SART3: variants seen among roughly 807,000 people sequenced by gnomAD.
SART3 encodes HIV-1 Tat-interacting protein of 110kDa.
A neutral mutation model predicts 122.3 loss-of-function variants in SART3; 44 were observed. The observed-to-expected ratio is 0.36, with a 90% CI of 0.28 to 0.46. The LOEUF (loss-of-function observed/expected upper bound fraction) is 0.46, where lower values mean the gene tolerates loss of function less well. Ranked by LOEUF, SART3 falls within the 20% of genes least tolerant of loss-of-function variation. The pLI is 1.00. For missense variants in SART3, 1,101 were observed against 1,229.0 expected (o/e 0.90, Z 1.56); for synonymous variants, 442 against 454.0 (o/e 0.97, Z 0.34).
rs1872388126 is a variant in SART3, at chr12:108,526,461, A to G, written c.2008T>C (p.Cys670Arg). Reference sequence around the variant, plus strand: ...GGGGGCTCCACATCTACGGCAGCACATTTCCCAGCGGGCCCTGCTGCTACT... The same window carrying G: ...GGGGGCTCCACATCTACGGCAGCACGTTTCCCAGCGGGCCCTGCTGCTACT... ...VEVAAGPAGKCAAVDVEPPSK... is the reference protein window; with the variant it reads ...VEVAAGPAGKRAAVDVEPPSK... Residue 670 changes from cysteine (C) to arginine (R), a missense_variant, in exon 16 of 19, where the codon TGT becomes CGT. By Grantham distance (180) the Cys-to-Arg change is radical. Coordinates refer to ENST00000546815, the MANE Select transcript of SART3 (RefSeq NM_014706.4). 1 of 1,614,088 alleles carries G rather than the reference A, an allele frequency of 6.2e-7. No individual in the cohort carries two copies. The highest frequency in any genetic ancestry group is 8.5e-7 in the Non-Finnish European group (1 of 1,180,010).
intron 6 of SART3, among the ~76,000 whole-genome samples, chr12:108,542,342 C>T (rs939832859): frequency 5.9e-5 from 9 of 152,266 alleles, no homozygotes; most frequent in African/African-American, 4.8e-5. Context: ...GCAGTGCAAA[C>T]TGATAACCTG....
intron 1 of SART3, among the ~76,000 whole-genome samples, chr12:108,550,806 G>A (rs1358231332): frequency 6.6e-6 from 1 of 152,068 alleles, no homozygotes; most frequent in Non-Finnish European, 1.5e-5. Flanking sequence ...AGGTTGCAGT[G>A]AGCAGAGATC....
At chr12:108,542,894 TA>T in intron 6 of SART3, 133 bp downstream of exon 6, 2 of 1,225,982 alleles carry the variant, frequency 1.6e-6, no homozygotes, top group Non-Finnish European at 2.4e-6. Context: ...TATTAGTATG[TA>T]AACTGTACGT....
chr12:108,556,574 C>G (rs79060449), intron 1 of SART3, among the ~76,000 whole-genome samples: 1 of 152,216 alleles, frequency 6.6e-6, no homozygotes, highest in Non-Finnish European at 1.5e-5. Context: ...GATGATCACA[C>G]GATAGGCTGA....
rs776663380 is a variant in SART3 at position 108,561,135 on chromosome 12, G to A, written c.20C>T (p.Thr7Ile). The A allele has an allele frequency of 6.2e-7, 1 of 1,613,366 alleles. No homozygotes were observed. Among genetic ancestry groups the A allele is most frequent in the Non-Finnish European group, 8.5e-7 (1 of 1,179,328 alleles). Residue 7 changes from threonine to isoleucine, a missense_variant, in exon 1 of 19, where the codon ACC (threonine) becomes ATC (isoleucine). Physicochemically the swap from Thr to Ile is moderately conservative, Grantham distance 89. This residue lies in a region of SART3 where 216 missense variants were observed against 148.9 expected (regional missense o/e 1.45). Coordinates refer to ENST00000546815, the MANE Select transcript of SART3 (RefSeq NM_014706.4). ...CTCAGCCTCGGGTTCTGAAGCCGAG[G>A]TTTCGGCCGCAGTCGCCATCTTGCG... MATAAETSASEPEAESK... is the reference protein window; with the variant it reads MATAAEISASEPEAESK...
chr12:108,561,127 A>C lies in SART3; in HGVS notation c.28T>G (p.Ser10Ala), dbSNP rs774473009. Residue 10 changes from serine to alanine, a missense_variant, in exon 1 of 19, where the codon TCA (serine) becomes GCA (alanine). Physicochemically the swap from Ser to Ala is moderately conservative, Grantham distance 99. Coordinates refer to ENST00000546815, the MANE Select transcript of SART3 (RefSeq NM_014706.4). MATAAETSA[S>A]EPEAESKAGP... is the part of the protein sequence containing the mutation. ...GCCTTGGACTCAGCCTCGGGTTCTG[A>C]AGCCGAGGTTTCGGCCGCAGTCGCC... 1 of 1,613,390 alleles carries C rather than the reference A, an allele frequency of 6.2e-7. No homozygotes were observed. The highest frequency in any genetic ancestry group is 8.5e-7 in the Non-Finnish European group (1 of 1,179,386).
intron 11 of SART3, among the ~76,000 whole-genome samples, chr12:108,536,155 C>T (rs571498081): frequency 1.3e-5 from 2 of 152,354 alleles, no homozygotes; most frequent in African/African-American, 4.8e-5. Flanking sequence ...GGAATTTTAT[C>T]TGTCTTATTC....
Position 108,522,242 on chromosome 12 carries a change from GT to G in SART3, c.*1214del, listed in dbSNP as rs1872159994. On this transcript the variant is annotated 3_prime_UTR_variant, in exon 19 of 19. Coordinates refer to ENST00000546815, the MANE Select transcript of SART3 (RefSeq NM_014706.4). ...TAGGCACACAGGAGTTTATTTTACTGTTCTGTCTACTTTTTAATCGGTTATA... is the reference window on the plus strand; with the variant it reads ...TAGGCACACAGGAGTTTATTTTACTGTCTGTCTACTTTTTAATCGGTTATA... Among the ~76,000 whole-genome samples the G allele has an allele frequency of 6.6e-6, 1 of 152,136 alleles. No homozygotes were observed. The highest frequency in any genetic ancestry group is 2.4e-5 in the African/African-American group (1 of 41,424).
Position 108,561,166 on chromosome 12 carries a change from A to T in SART3, c.-12T>A. Reference sequence around the variant, plus strand: ...GCCGCAGTCGCCATCTTGCGCTTCTAATGACTCTCGGGTCTTCCCGCGGCC... The same window carrying T: ...GCCGCAGTCGCCATCTTGCGCTTCTTATGACTCTCGGGTCTTCCCGCGGCC... On this transcript the variant is annotated 5_prime_UTR_variant, in exon 1 of 19. Coordinates refer to ENST00000546815, the MANE Select transcript of SART3 (RefSeq NM_014706.4). The T allele has an allele frequency of 1.2e-6, 2 of 1,612,128 alleles. No individual in the cohort carries two copies. Among genetic ancestry groups the T allele is most frequent in the Non-Finnish European group, 8.5e-7 (1 of 1,178,376 alleles).
At chr12:108,531,338 A>G in intron 13 of SART3, 58 bp from the exon 14 acceptor site, 1 of 1,418,660 alleles carries the variant, frequency 7.0e-7, no homozygotes, top group East Asian at 2.3e-5. Context: ...ATACAATCAC[A>G]TAAATTTTTC....
In SART3 at chr12:108,537,066, A is replaced by C. The variant is rs549988330; in HGVS notation, c.1310-281T>G. 3.9e-5 allele frequency: 19 copies of C among 483,024 alleles called. 1 individual carries two copies. Among genetic ancestry groups the C allele is most frequent in the African/African-American group, 3.3e-4 (17 of 51,354 alleles). The allele number at this position is 483,024 out of a possible 1,614,324, so 29.9% of individuals were successfully genotyped here. ...ACACAGGCAAACAAGAGAATGGCTA[A>C]AGGCTACCTGTATGAGGTGACAGCT... is the stretch of plus-strand genomic sequence containing the variant. On this transcript the variant is annotated intron_variant, in intron 9 of 18. Transcript: ENST00000546815.
intron 7 of SART3, among the ~76,000 whole-genome samples, chr12:108,538,654 T>C (rs1416529663): frequency 6.6e-6 from 1 of 152,214 alleles, no homozygotes; most frequent in Non-Finnish European, 1.5e-5. Context: ...TGTCTACTTT[T>C]ATATGTTTAC....
At chr12:108,524,543 G>A (rs746901002) in intron 17 of SART3, 37 bp from the exon 18 acceptor site, 68 of 1,597,898 alleles carry the variant, frequency 4.3e-5, no homozygotes, top group African/African-American at 1.9e-4. Flanking sequence ...GTCAGATCCC[G>A]CAGACTAGGG....
chr12:108,537,336 A>G, intron 9 of SART3, 152 bp downstream of exon 9: 1 of 668,932 alleles, frequency 1.5e-6, no homozygotes, highest in Admixed American at 2.1e-5. Context: ...TGTTAAAGAC[A>G]GAAATTGCTA....
rs768390720 is a variant in SART3, at chr12:108,526,377, C to T, written c.2092G>A (p.Asp698Asn). 1.6e-5 allele frequency: 26 copies of T among 1,613,668 alleles called. No individual in the cohort carries two copies. Among genetic ancestry groups the T allele is most frequent in the Non-Finnish European group, 2.0e-5 (24 of 1,179,718 alleles). ...ACGGTGATGCTGTCCTTGCTGCTGT[C>T]GTGCAGCACCTTGGGCATGTCCCTC... The part of the protein sequence containing the change: ...LKRDMPKVLH[D>N]SSKDSITVFV... Residue 698 changes from aspartate to asparagine, a missense_variant, in exon 16 of 19, where the codon GAC becomes AAC. Asp to Asn is a conservative substitution (Grantham distance 23). Around this residue, in one of 2 missense-constraint regions of SART3, gnomAD observed 885 missense variants for 1,080.1 expected, o/e 0.82. Coordinates refer to ENST00000546815, the MANE Select transcript of SART3 (RefSeq NM_014706.4).
Position 108,539,075 on chromosome 12 carries a change from T to A in SART3, c.921A>T (p.Ala307=). The change falls in exon 7 of 19, where the codon GCA becomes GCT. Residue 307 remains alanine, a synonymous_variant. Coordinates refer to ENST00000546815, the MANE Select transcript of SART3 (RefSeq NM_014706.4). ...ATGCTTGATATTCTGCCAGCCTTGG[T>A]GCCTCTGCCTGCAACTGGAGTACAG... is the stretch of plus-strand genomic sequence containing the variant. ...PYEEALLQAE[A]PRLAEYQAYI... 1 of 1,614,194 alleles carries A rather than the reference T, an allele frequency of 6.2e-7. No individual in the cohort carries two copies. Among genetic ancestry groups the A allele is most frequent in the Non-Finnish European group, 8.5e-7 (1 of 1,180,030 alleles).
chr12:108,543,260 G>T, intron 5 of SART3, 108 bp from the exon 6 acceptor site: 1 of 1,310,482 alleles, frequency 7.6e-7, no homozygotes, highest in Non-Finnish European at 1.1e-6. Flanking sequence ...CCACATCTGT[G>T]GCATGGCAGC....
At chr12:108,539,182 T>C in intron 6 of SART3, 93 bp from the exon 7 acceptor site, 1 of 1,312,860 alleles carries the variant, frequency 7.6e-7, no homozygotes, top group East Asian at 2.4e-5. Context: ...CTGGCTACAG[T>C]AACTATGAAT....
At chr12:108,541,334 C>T (rs951348252) in intron 6 of SART3, among the ~76,000 whole-genome samples, 9 of 150,940 alleles carry the variant, frequency 6.0e-5, no homozygotes, top group African/African-American at 1.2e-4. Flanking sequence ...TTGAACCTGG[C>T]GGGGCGGAAG....
Sources: gnomAD v4.1 joint callset for allele counts (sites outside exome capture counted in the v4.1 genomes callset) on GRCh38, gnomAD v4.1.1 for gene constraint, gnomAD v4.1.1 regional missense constraint, MANE v1.5 for transcripts, NCBI Gene and HGNC (gene_info 2026-07-23, HGNC 2026-07-21) for gene names.